Variants in CPNE4 observed in about 807,000 individuals in gnomAD.
CPNE4 encodes the protein copine-4.
In CPNE4, 25 loss-of-function variants were observed where a neutral mutation model predicts 67.9. That is an observed-to-expected ratio of 0.37 (90% CI 0.27 to 0.51). The LOEUF is 0.51. Among genes scored for constraint, CPNE4 ranks in the 20% least tolerant of loss-of-function variants. CPNE4 has a pLI of 0.93. For synonymous variants in CPNE4, 242 were observed against 244.9 expected (o/e 0.99, Z 0.11); for missense variants, 464 against 690.8 (o/e 0.67, Z 3.68).
intron 2 of CPNE4, among the ~76,000 whole-genome samples, chr3:131,865,021 A>G (rs2086872708): frequency 6.6e-6 from 1 of 152,040 alleles, no homozygotes; most frequent in Non-Finnish European, 1.5e-5. Context: ...TGATTTGTGT[A>G]TGTTGAACCA....
chr3:131,706,590 G>T (rs951841899), intron 3 of CPNE4, among the ~76,000 whole-genome samples: 1 of 152,178 alleles, frequency 6.6e-6, no homozygotes, highest in Non-Finnish European at 1.5e-5. Context: ...ATGATAGGAA[G>T]GGGGAGTCAG....
rs140491427 is a variant in CPNE4, at chr3:131,856,451, G to C, written c.180+48813C>G. On this transcript the variant is annotated intron_variant, in intron 2 of 15. Coordinates refer to ENST00000429747, the MANE Select transcript of CPNE4 (RefSeq NM_130808.3). ...CAAAGTTCAGATGTTTTAAAAAAAG[G>C]CGTCACTGTGAATGAGCCAGGAAAT... Among the ~76,000 whole-genome samples, 1,400 of 151,958 alleles carry C rather than the reference G, an allele frequency of 9.2e-3. 16 individuals carry two copies. The highest frequency in any genetic ancestry group is 0.024 in the Middle Eastern group (7 of 294).
chr3:131,669,899 A>G, intron 6 of CPNE4, 135 bp from the exon 7 acceptor site: 1 of 689,310 alleles, frequency 1.5e-6, no homozygotes. Flanking sequence ...GCCTTAATAA[A>G]AACTTGATGT....
At chr3:131,965,739 T>A (rs1021005402) in intron 1 of CPNE4, among the ~76,000 whole-genome samples, 4 of 152,026 alleles carry the variant, frequency 2.6e-5, no homozygotes, top group Non-Finnish European at 5.9e-5. Context: ...TTCTTAGAGA[T>A]CTATAAAGAG....
At chr3:131,866,169 A>G (rs1003189888) in intron 2 of CPNE4, among the ~76,000 whole-genome samples, 2 of 152,240 alleles carry the variant, frequency 1.3e-5, no homozygotes, top group East Asian at 1.9e-4. Flanking sequence ...ACAGTGCCCA[A>G]AATAAAGGCT....
rs183379852 is a variant in CPNE4, at chr3:131,929,852, T to C, written c.-1-24408A>G. Among the ~76,000 whole-genome samples, 6 of 152,302 alleles carry C rather than the reference T, an allele frequency of 3.9e-5. No homozygotes were observed. In the East Asian group the frequency reaches 1.2e-3, roughly 29 times the overall value. On this transcript the variant is annotated intron_variant, in intron 1 of 15. Transcript: ENST00000429747. ...ATTGAATGAATCTGCATTGGTGGTATTGGCTGCCTGACAAGATTCTGGGAG... is the reference window on the plus strand; with the variant it reads ...ATTGAATGAATCTGCATTGGTGGTACTGGCTGCCTGACAAGATTCTGGGAG...
At chr3:131,980,355 C>A (rs899013501) in intron 1 of CPNE4, among the ~76,000 whole-genome samples, 2 of 152,144 alleles carry the variant, frequency 1.3e-5, no homozygotes, top group South Asian at 4.1e-4. Flanking sequence ...GATTGTTTAA[C>A]ATAATCCCAG....
intron 1 of CPNE4, among the ~76,000 whole-genome samples, chr3:131,949,738 A>G (rs939424879): frequency 6.6e-6 from 1 of 152,160 alleles, no homozygotes; most frequent in Admixed American, 6.5e-5. Flanking sequence ...TTCAAAGCAT[A>G]CTACCCCACA....
intron 1 of CPNE4, among the ~76,000 whole-genome samples, chr3:132,001,580 AAAGAAAG>A (rs2073444429): frequency 6.6e-6 from 1 of 150,528 alleles, no homozygotes; most frequent in Non-Finnish European, 1.5e-5. Flanking sequence ...AGAAAGAAAG[AAAGAAAG>A]AAAGAAAGAA....
intron 1 of CPNE4, among the ~76,000 whole-genome samples, chr3:132,006,680 G>T (rs1481912151): frequency 3.4e-5 from 5 of 147,198 alleles, no homozygotes; most frequent in Non-Finnish European, 4.5e-5. Flanking sequence ...TGTTCTCTGG[G>T]CTGAGCTGTT....
At chr3:131,627,193 C>CAAAAAAA (rs57977015) in intron 7 of CPNE4, among the ~76,000 whole-genome samples, 1 of 68,364 alleles carries the variant, frequency 1.5e-5, no homozygotes. Context: ...GACTCCATCT[C>CAAAAAAA]AAAAAAAAAA....
intron 1 of CPNE4, among the ~76,000 whole-genome samples, chr3:131,979,187 G>C (rs975921549): frequency 6.6e-6 from 1 of 152,108 alleles, no homozygotes; most frequent in Admixed American, 6.6e-5. Context: ...GAAATGTTCT[G>C]TATATGTCTA....
rs150068754 is a variant in CPNE4 at position 131,641,187 on chromosome 3, A to T, written c.681+28488T>A. Reference sequence around the variant, plus strand: ...TGGATGGGACTTAATTAAACCAAAAAGCTTCTGCACAGTAAAAGAAATAAC... The same window carrying T: ...TGGATGGGACTTAATTAAACCAAAATGCTTCTGCACAGTAAAAGAAATAAC... On this transcript the variant is annotated intron_variant, in intron 7 of 15. Coordinates refer to ENST00000429747, the MANE Select transcript of CPNE4 (RefSeq NM_130808.3). Among the ~76,000 whole-genome samples the T allele has an allele frequency of 4.3e-3, 658 of 152,308 alleles. 7 individuals are homozygous for T. Among genetic ancestry groups the T allele is most frequent in the African/African-American group, 0.015 (628 of 41,566 alleles).
intron 1 of CPNE4, among the ~76,000 whole-genome samples, chr3:131,969,371 T>TAAA (rs148483931): frequency 3.4e-5 from 5 of 149,056 alleles, no homozygotes; most frequent in Admixed American, 3.3e-4. Flanking sequence ...CTTAAAATAT[T>TAAA]AAAAAAAAAA....
chr3:131,894,246 C>T (rs896652606), intron 2 of CPNE4, among the ~76,000 whole-genome samples: 4 of 151,868 alleles, frequency 2.6e-5, no homozygotes, highest in African/African-American at 9.7e-5. Flanking sequence ...AAGAAAAGCT[C>T]AGGACCTGAT....
intron 2 of CPNE4, among the ~76,000 whole-genome samples, chr3:131,798,449 C>T (rs2083979568): frequency 6.6e-6 from 1 of 152,028 alleles, no homozygotes; most frequent in Admixed American, 6.6e-5. Flanking sequence ...GTATATCACA[C>T]CATAAGAGAG....
intron 1 of CPNE4, among the ~76,000 whole-genome samples, chr3:131,978,410 A>ATT (rs2072784647): frequency 5.7e-4 from 1 of 1,746 alleles, no homozygotes; most frequent in African/African-American, 7.9e-3. Context: ...ATATATTTAT[A>ATT]TATATGTATA....
intron 2 of CPNE4, among the ~76,000 whole-genome samples, chr3:131,833,176 T>C (rs1293908000): frequency 1.3e-5 from 2 of 152,302 alleles, no homozygotes; most frequent in East Asian, 3.9e-4. Context: ...TCCCTAGAAC[T>C]GTGAGAAATA....
chr3:131,989,679 G>A lies in CPNE4; in HGVS notation c.-2+44888C>T, dbSNP rs145287927. On this transcript the variant is annotated intron_variant, in intron 1 of 15. Coordinates refer to ENST00000429747, the MANE Select transcript of CPNE4 (RefSeq NM_130808.3). ...TTCTCTCACTGGGAGACAAGAAAGC[G>A]CTTATTAAAACAATGTAATTTGAGG... is the stretch of plus-strand genomic sequence containing the variant. 1.8e-3 allele frequency among the ~76,000 whole-genome samples: 251 copies of A among 136,656 alleles called. 19 individuals are homozygous for A. The highest frequency in any genetic ancestry group is 5.9e-3 in the African/African-American group (241 of 40,880). 89.7% of individuals were successfully genotyped at this position (136,656 alleles called of 152,430 possible). A position where few individuals can be genotyped will look rare whatever the true frequency, so the allele number is the denominator to read the frequency against.
Sources: allele counts gnomAD v4.1 joint callset (sites outside exome capture counted in the v4.1 genomes callset), GRCh38; gene constraint gnomAD v4.1.1; transcripts MANE v1.5; gene names NCBI Gene and HGNC (gene_info 2026-07-23, HGNC 2026-07-21).